CALD1: variants seen among roughly 807,000 people sequenced by gnomAD.
CALD1 encodes caldesmon.
Under a neutral mutation model 99.9 loss-of-function variants are expected in CALD1, and 33 were observed. The observed-to-expected ratio is 0.33, with a 90% CI of 0.25 to 0.44. The LOEUF is 0.44. Among genes scored for constraint, CALD1 ranks in the 20% least tolerant of loss-of-function variants. CALD1 has a pLI of 1.00. For missense variants in CALD1, 861 were observed against 962.1 expected (o/e 0.89, Z 1.39); for synonymous variants, 310 against 325.0 (o/e 0.95, Z 0.50).
At chr7:134,729,402 T>A in the CALD1 span, among the ~76,000 whole-genome samples, 1 of 152,214 alleles carries the variant, frequency 6.6e-6, no homozygotes, top group East Asian at 1.9e-4. Context: ...TGGTTTCCGA[T>A]GTCTACCTGT....
intron 1 of CALD1, among the ~76,000 whole-genome samples, chr7:134,812,608 A>C (rs950382388): frequency 1.3e-5 from 2 of 151,846 alleles, no homozygotes; most frequent in Admixed American, 6.6e-5. Flanking sequence ...AATGAGCTCA[A>C]GGTTTTTGGT....
intron 1 of CALD1, among the ~76,000 whole-genome samples, chr7:134,841,915 C>T (rs1363317621): frequency 6.6e-6 from 1 of 152,190 alleles, no homozygotes; most frequent in Non-Finnish European, 1.5e-5. Flanking sequence ...AACATGCTTC[C>T]TTCAGATCTT....
At chr7:134,814,408 G>A (rs1404858801) in intron 1 of CALD1, among the ~76,000 whole-genome samples, 1 of 152,184 alleles carries the variant, frequency 6.6e-6, no homozygotes, top group African/African-American at 2.4e-5. Context: ...CAAGGAGCTG[G>A]AAGTCCTGGG....
At chr7:134,833,290 A>G (rs567167546) in intron 1 of CALD1, among the ~76,000 whole-genome samples, 8 of 152,336 alleles carry the variant, frequency 5.3e-5, no homozygotes, top group African/African-American at 1.2e-4. Flanking sequence ...GGAGATAAAC[A>G]TTATGGGATG....
chr7:134,818,138 T>C (rs1798628472), intron 1 of CALD1, among the ~76,000 whole-genome samples: 2 of 152,196 alleles, frequency 1.3e-5, no homozygotes, highest in Non-Finnish European at 2.9e-5. Flanking sequence ...TTTATACTGT[T>C]GTCAATTTAA....
At chr7:134,948,095 C>A (rs370032083) in intron 8 of CALD1, 34 of 203,008 alleles carry the variant, frequency 1.7e-4, no homozygotes, top group African/African-American at 7.7e-4. Flanking sequence ...CATTAAAACC[C>A]TTTACTGCCT....
intron 3 of CALD1, among the ~76,000 whole-genome samples, chr7:134,921,694 C>T (rs552400426): frequency 1.3e-5 from 2 of 152,284 alleles, no homozygotes; most frequent in South Asian, 4.1e-4. Context: ...AGCCTGTAAT[C>T]CCAGCTACTC....
intron 3 of CALD1, among the ~76,000 whole-genome samples, chr7:134,875,522 A>G (rs1801305410): frequency 6.6e-6 from 1 of 152,190 alleles, no homozygotes; most frequent in African/African-American, 2.4e-5. Flanking sequence ...CTGCAATCCC[A>G]GCTACTCAGG....
chr7:134,837,668 A>C (rs1397872788), intron 1 of CALD1, among the ~76,000 whole-genome samples: 1 of 152,198 alleles, frequency 6.6e-6, no homozygotes. Context: ...TTTATGAAGC[A>C]TATGATATAT....
chr7:134,895,389 A>G (rs1802501766), intron 3 of CALD1, among the ~76,000 whole-genome samples: 1 of 151,476 alleles, frequency 6.6e-6, no homozygotes, highest in African/African-American at 2.4e-5. Flanking sequence ...CAGATATTAC[A>G]ACACATTTAA....
chr7:134,891,706 C>A (rs1418826819), intron 3 of CALD1: 1 of 1,408,270 alleles, frequency 7.1e-7, no homozygotes, highest in Non-Finnish European at 9.5e-7. Flanking sequence ...TGGTTTTTTC[C>A]TTTCTTTTTT....
In CALD1 at chr7:134,867,766, A is replaced by G. The variant is rs762919207; in HGVS notation, c.33A>G (p.Arg11=). Residue 11 remains arginine (R), a synonymous_variant, in exon 3 of 15, where the codon AGA becomes AGG. Transcript: ENST00000361675. MDDFERRREL[R]RQKREEMRLE... ...ATTTTGAGCGTCGCAGAGAACTTAG[A>G]AGGCAAAAGAGGGAGGAGATGCGAC... The G allele has an allele frequency of 1.2e-6, 2 of 1,610,792 alleles. No individual in the cohort carries two copies. Among genetic ancestry groups the G allele is most frequent in the Non-Finnish European group, 1.7e-6 (2 of 1,177,940 alleles).
intron 2 of CALD1, among the ~76,000 whole-genome samples, chr7:134,850,723 C>T (rs536623793): frequency 6.6e-6 from 1 of 152,180 alleles, no homozygotes; most frequent in Non-Finnish European, 1.5e-5. Flanking sequence ...TGCTGCCCTG[C>T]AAATGTGCTT....
intron 3 of CALD1, among the ~76,000 whole-genome samples, chr7:134,924,558 C>T (rs1045966784): frequency 8.6e-5 from 13 of 152,020 alleles, no homozygotes; most frequent in African/African-American, 2.4e-5. Flanking sequence ...ACAATTTTAC[C>T]TATAAAGTCA....
chr7:134,794,317 C>T (rs999078886), intron 1 of CALD1, among the ~76,000 whole-genome samples: 2 of 152,100 alleles, frequency 1.3e-5, no homozygotes, highest in African/African-American at 2.4e-5. Flanking sequence ...ATAGGTGTAC[C>T]TATGTACACT....
In CALD1 at chr7:134,825,696, C is replaced by T. The variant is rs1010310778; in HGVS notation, c.-129-18188C>T. Among the ~76,000 whole-genome samples, 5 of 152,146 alleles carry T rather than the reference C, an allele frequency of 3.3e-5. No homozygotes were observed. In the South Asian group the frequency reaches 1.0e-3, roughly 32 times the overall value. Reference sequence around the variant, plus strand: ...TAAAATATTACATCACATAATAACCCAAGGTCATTTTATACTTACAATAAA... The same window carrying T: ...TAAAATATTACATCACATAATAACCTAAGGTCATTTTATACTTACAATAAA... On this transcript the variant is annotated intron_variant, in intron 1 of 14. Coordinates refer to ENST00000361675, the MANE Select transcript of CALD1 (RefSeq NM_033138.4).
At chr7:134,860,705 T>A (rs755288241) in intron 2 of CALD1, among the ~76,000 whole-genome samples, 3 of 152,168 alleles carry the variant, frequency 2.0e-5, no homozygotes, top group Non-Finnish European at 4.4e-5. Flanking sequence ...TACAAATATT[T>A]AAAGACTAGC....
chr7:134,713,789 G>A, the CALD1 span, among the ~76,000 whole-genome samples: 2,667 of 152,250 alleles, frequency 0.018, 82 homozygotes, highest in African/African-American at 0.059. Flanking sequence ...CCAAACTCAT[G>A]AAGTTAAGAA....
intron 3 of CALD1, among the ~76,000 whole-genome samples, chr7:134,874,677 G>A (rs1023871108): frequency 1.3e-5 from 2 of 152,170 alleles, no homozygotes; most frequent in East Asian, 1.9e-4. Flanking sequence ...GTAGAGTTAC[G>A]TTATCAGATT....
Sources: allele counts gnomAD v4.1 joint callset (sites outside exome capture counted in the v4.1 genomes callset), GRCh38; gene constraint gnomAD v4.1.1; transcripts MANE v1.5; gene names NCBI Gene and HGNC (gene_info 2026-07-23, HGNC 2026-07-21).